The following FAM185A variants were observed in gnomAD, a reference collection of about 807,000 sequenced individuals.
The protein encoded by FAM185A is protein FAM185A.
In FAM185A, 21 loss-of-function variants were observed where a neutral mutation model predicts 45.7. The ratio of observed to expected loss-of-function variants is 0.46; its 90% CI spans 0.33 to 0.66. FAM185A has a LOEUF of 0.66. Among genes scored for constraint, FAM185A ranks in the 30% least tolerant of loss-of-function variants. The pLI is 0.03. For missense variants in FAM185A, 305 were observed against 485.4 expected (o/e 0.63, Z 3.49); for synonymous variants, 117 against 194.0 (o/e 0.60, Z 3.30).
At chr7:102,780,521 A>T (rs1229979668) in intron 6 of FAM185A, among the ~76,000 whole-genome samples, 1 of 152,150 alleles carries the variant, frequency 6.6e-6, no homozygotes, top group Non-Finnish European at 1.5e-5. Context: ...AATTCAAATA[A>T]TCCTTTTCTA....
At position 102,749,344 on chromosome 7, in the gene FAM185A, G is replaced by A; in HGVS notation, c.137G>A (p.Arg46His). Reference sequence around the variant, plus strand: ...CCGTACAGCTCAGGTGGGAGCGAGCGCTGGCCCGGATCGGAGACTGAGGTC... The same window carrying A: ...CCGTACAGCTCAGGTGGGAGCGAGCACTGGCCCGGATCGGAGACTGAGGTC... ...ARPYSSGGSERWPGSETEVPP... is the reference protein window; with the variant it reads ...ARPYSSGGSEHWPGSETEVPP... Residue 46 changes from arginine to histidine, a missense_variant, in exon 1 of 8, where the codon CGC becomes CAC. Around this residue, in one of 5 missense-constraint regions of FAM185A, gnomAD observed 174 missense variants for 247.1 expected, o/e 0.70. Coordinates refer to ENST00000413034, the MANE Select transcript of FAM185A (RefSeq NM_001145268.2). 1 of 1,549,232 alleles carries A rather than the reference G, an allele frequency of 6.5e-7. No individual in the cohort carries two copies.
At chr7:102,826,329 T>C in the FAM185A span, among the ~76,000 whole-genome samples, 162 of 152,278 alleles carry the variant, frequency 1.1e-3, 1 homozygote, top group Admixed American at 3.6e-3. Context: ...GAAAATCTAA[T>C]GCAGTAAGAA....
At chr7:102,774,892 C>A (rs1255860623) in intron 5 of FAM185A, among the ~76,000 whole-genome samples, 1 of 152,212 alleles carries the variant, frequency 6.6e-6, no homozygotes, top group Non-Finnish European at 1.5e-5. Flanking sequence ...TAAGCCACCA[C>A]ACCTGGCCCT....
At chr7:102,834,086 AAAAGAAAGAAAGAAAGAAAG>A in the FAM185A span, among the ~76,000 whole-genome samples, 7 of 93,666 alleles carry the variant, frequency 7.5e-5, no homozygotes, top group Admixed American at 1.3e-4. Context: ...GGAAGGAAAG[AAAAGAAAGAAAGAAAGAAAG>A]AAAGAAAGAA....
At chr7:102,788,945 C>A (rs980318205) in intron 7 of FAM185A, among the ~76,000 whole-genome samples, 1 of 152,078 alleles carries the variant, frequency 6.6e-6, no homozygotes, top group African/African-American at 2.4e-5. Flanking sequence ...AGGGCACTTA[C>A]CATAAGTGGA....
At chr7:102,766,648 CT>C (rs1794417805) in intron 4 of FAM185A, among the ~76,000 whole-genome samples, 1 of 151,752 alleles carries the variant, frequency 6.6e-6, no homozygotes, top group Non-Finnish European at 1.5e-5. Flanking sequence ...TTAAATAGAT[CT>C]TTTCATGACA....
chr7:102,779,520 T>C (rs1257201734), intron 6 of FAM185A, among the ~76,000 whole-genome samples: 1 of 152,250 alleles, frequency 6.6e-6, no homozygotes, highest in Non-Finnish European at 1.5e-5. Context: ...AAAAAAGTTT[T>C]TAAATCCATG....
chr7:102,799,565 T>C (rs1796650402), intron 7 of FAM185A, among the ~76,000 whole-genome samples: 1 of 152,232 alleles, frequency 6.6e-6, no homozygotes, highest in African/African-American at 2.4e-5. Context: ...CTGTATTTTG[T>C]GTGCTTGGAT....
intron 6 of FAM185A, among the ~76,000 whole-genome samples, chr7:102,781,942 A>G (rs1387949100): frequency 1.3e-5 from 2 of 152,250 alleles, no homozygotes; most frequent in African/African-American, 4.8e-5. Flanking sequence ...AGAATAATCA[A>G]TGCAGAGAAG....
intron 7 of FAM185A, 60 bp from the exon 8 acceptor site, chr7:102,808,230 C>G (rs1350854498): frequency 9.2e-7 from 1 of 1,091,962 alleles, no homozygotes; most frequent in Non-Finnish European, 1.4e-6. Flanking sequence ...AGATGTGTTG[C>G]TAGGATCTAT....
intron 7 of FAM185A, among the ~76,000 whole-genome samples, chr7:102,805,803 G>C (rs1263684317): frequency 6.6e-6 from 1 of 152,194 alleles, no homozygotes; most frequent in East Asian, 1.9e-4. Flanking sequence ...AAGACATCTA[G>C]AAGCAGGGGG....
chr7:102,783,026 A>G (rs1795509322), intron 6 of FAM185A, among the ~76,000 whole-genome samples: 2 of 152,114 alleles, frequency 1.3e-5, no homozygotes, highest in East Asian at 1.9e-4. Flanking sequence ...CAGACTTTAA[A>G]CCAGCAAAGA....
At chr7:102,841,283 T>C in the FAM185A span, among the ~76,000 whole-genome samples, 44 of 152,266 alleles carry the variant, frequency 2.9e-4, no homozygotes, top group African/African-American at 1.0e-3. Flanking sequence ...AAGTTTCATC[T>C]TACAAAGGAT....
intron 6 of FAM185A, among the ~76,000 whole-genome samples, chr7:102,781,964 C>T (rs1385792933): frequency 1.3e-5 from 2 of 152,052 alleles, no homozygotes; most frequent in Non-Finnish European, 2.9e-5. Flanking sequence ...CCCTAAAGGA[C>T]CTGATGGAGC....
the FAM185A span, chr7:102,821,945 T>C: frequency 1.5e-6 from 2 of 1,291,968 alleles, no homozygotes; most frequent in East Asian, 2.3e-5. Context: ...TTCCTAACAC[T>C]GAAAGCTGCT....
intron 7 of FAM185A, among the ~76,000 whole-genome samples, chr7:102,799,733 A>G (rs1177857363): frequency 1.3e-5 from 2 of 152,166 alleles, no homozygotes; most frequent in Non-Finnish European, 2.9e-5. Flanking sequence ...AAGAGAAGGG[A>G]AAGTGTTTGT....
At chr7:102,778,973 C>T (rs1231157765) in intron 6 of FAM185A, among the ~76,000 whole-genome samples, 6 of 152,212 alleles carry the variant, frequency 3.9e-5, no homozygotes, top group African/African-American at 1.4e-4. Flanking sequence ...ATATATAATG[C>T]TTGTTTTCTT....
intron 7 of FAM185A, among the ~76,000 whole-genome samples, chr7:102,797,227 C>T (rs1796484117): frequency 6.6e-6 from 1 of 152,144 alleles, no homozygotes; most frequent in African/African-American, 2.4e-5. Flanking sequence ...CTTTGGGAGG[C>T]CGAGGCGGGC....
the FAM185A span, among the ~76,000 whole-genome samples, chr7:102,833,858 A>G: frequency 6.6e-6 from 1 of 152,010 alleles, no homozygotes; most frequent in African/African-American, 2.4e-5. Flanking sequence ...CTTAATTTTC[A>G]TTCCTACTTT....
Sources: allele counts gnomAD v4.1 joint callset (sites outside exome capture counted in the v4.1 genomes callset), GRCh38; gene constraint gnomAD v4.1.1; regional missense constraint gnomAD v4.1.1; transcripts MANE v1.5; gene names NCBI Gene and HGNC (gene_info 2026-07-23, HGNC 2026-07-21).